Variants in SERPINA1 observed in about 807,000 individuals in gnomAD.
The protein encoded by SERPINA1 is serpin family A member 1, also known as alpha-1-antitrypsin.
In SERPINA1, 21 loss-of-function variants were observed where a neutral mutation model predicts 25.4. The ratio of observed to expected loss-of-function variants is 0.83; its 90% confidence interval spans 0.59 to 1.19. The LOEUF (loss-of-function observed/expected upper bound fraction) is 1.19, where lower values mean the gene tolerates loss of function less well. Ranked by LOEUF, SERPINA1 falls within the 50% of genes most tolerant of loss-of-function variation. The pLI is 0.00. For synonymous variants in SERPINA1, 218 were observed against 211.1 expected (o/e 1.03, Z -0.29); for missense variants, 546 against 509.0 (o/e 1.07, Z -0.70).
At chr14:94,379,227 G>A in intron 4 of SERPINA1, 1 of 617,128 alleles carries the variant, frequency 1.6e-6, no homozygotes, top group Non-Finnish European at 2.9e-6. Context: ...GAAATTCAGG[G>A]TCAGTGACAC....
rs74756023 is a variant in SERPINA1 at position 94,378,991 on chromosome 14, C to T, written c.1066-351G>A. 1.7e-3 allele frequency: 936 copies of T among 543,434 alleles called. 6 individuals carry two copies. Among genetic ancestry groups the T allele is most frequent in the African/African-American group, 0.016 (827 of 53,128 alleles). The allele number at this position is 543,434 out of a possible 1,614,324, so 33.7% of individuals were successfully genotyped here. A position where few individuals can be genotyped will look rare whatever the true frequency, so the allele number is the denominator to read the frequency against. On this transcript the variant is annotated intron_variant, in intron 4 of 4. Transcript: ENST00000393087. ...ACCCTGGCAGTGACCTTCACAGTGC[C>T]CAGACCCCAAGATAATGCAGCCATT...
chr14:94,378,620 C>T lies in SERPINA1; in HGVS notation c.1086G>A (p.Leu362=), dbSNP rs1802961. 6.2e-7 allele frequency: 1 copy of T among 1,613,910 alleles called. No individual in the cohort carries two copies. Among genetic ancestry groups the T allele is most frequent in the Non-Finnish European group, 8.5e-7 (1 of 1,179,990 alleles). ...CTTCAGTCCCTTTCTCGTCGATGGT[C>T]AGCACAGCCTTATGCACGGCCTGGA... ...KLSKAVHKAV[L]TIDEKGTEAA... is the part of the protein sequence containing the mutation. Residue 362 remains leucine, a synonymous_variant, in exon 5 of 5, where the codon CTG becomes CTA. Coordinates refer to ENST00000393087, the MANE Select transcript of SERPINA1 (RefSeq NM_000295.5).
chr14:94,383,878 G>A (rs1224445668), intron 1 of SERPINA1, among the ~76,000 whole-genome samples: 4 of 152,220 alleles, frequency 2.6e-5, no homozygotes, highest in African/African-American at 7.2e-5. Flanking sequence ...AGAGAGCATG[G>A]AGGGGCTGTG....
intron 1 of SERPINA1, among the ~76,000 whole-genome samples, chr14:94,387,714 C>T (rs183676605): frequency 1.6e-3 from 247 of 152,274 alleles, no homozygotes; most frequent in Middle Eastern, 6.8e-3. Flanking sequence ...GGGACTGGAG[C>T]CAGGTGCCTG....
At position 94,381,037 on chromosome 14, in the gene SERPINA1, A is replaced by G. The variant is rs1896870457; in HGVS notation, c.751T>C (p.Phe251Leu). The change falls in exon 3 of 5, where the codon TTT becomes CTT. Residue 251 changes from phenylalanine to leucine, a missense_variant. Phe to Leu is a conservative substitution (Grantham distance 22, BLOSUM62 0). Coordinates refer to ENST00000393087, the MANE Select transcript of SERPINA1 (RefSeq NM_000295.5). ...AGCTTCTTACAGTGCTGGATGTTAA[A>G]CATGCCTAAACGCTTCATCATAGGC... Reference protein sequence around the residue: ...KVPMMKRLGMFNIQHCKKLSS... With the variant: ...KVPMMKRLGMLNIQHCKKLSS... 1 of 1,613,474 alleles carries G rather than the reference A, an allele frequency of 6.2e-7. No homozygotes were observed. Among genetic ancestry groups the G allele is most frequent in the African/African-American group, 1.3e-5 (1 of 74,670 alleles).
intron 2 of SERPINA1, among the ~76,000 whole-genome samples, 180 bp from the exon 3 acceptor site, chr14:94,381,321 G>A (rs902529761): frequency 3.3e-5 from 5 of 152,128 alleles, no homozygotes; most frequent in African/African-American, 9.7e-5. Flanking sequence ...CCAAGCTGCC[G>A]AAAAAGATTG....
rs771199057 is a variant in SERPINA1 at position 94,382,761 on chromosome 14, T to C, written c.477A>G (p.Lys159=). The C allele has an allele frequency of 5.0e-6, 8 of 1,614,136 alleles. No homozygotes were observed. In the Admixed American group the frequency reaches 1.3e-4, roughly 27 times the overall value. ...KLVDKFLEDV[K]KLYHSEAFTV... ...TGAAGGCTTCTGAGTGGTACAACTTTTTAACATCCTCCAAAAACTTATCCA... is the reference window on the plus strand; with the variant it reads ...TGAAGGCTTCTGAGTGGTACAACTTCTTAACATCCTCCAAAAACTTATCCA... The change falls in exon 2 of 5, where the codon AAA becomes AAG. Residue 159 remains lysine, a synonymous_variant. Coordinates refer to ENST00000393087, the MANE Select transcript of SERPINA1 (RefSeq NM_000295.5).
At chr14:94,379,312 G>T in intron 4 of SERPINA1, 152 bp downstream of exon 4, 1 of 1,165,226 alleles carries the variant, frequency 8.6e-7, no homozygotes, top group Non-Finnish European at 1.3e-6. Context: ...ACCACGTCCC[G>T]TGTCAGTGAA....
chr14:94,378,824 T>C (rs972639722), intron 4 of SERPINA1, among the ~76,000 whole-genome samples, 184 bp from the exon 5 acceptor site: 7 of 152,352 alleles, frequency 4.6e-5, no homozygotes, highest in Non-Finnish European at 7.3e-5. Flanking sequence ...CTGGCTCCCC[T>C]CTGTCCATCT....
intron 2 of SERPINA1, among the ~76,000 whole-genome samples, chr14:94,381,995 G>T (rs1367607817): frequency 3.3e-5 from 5 of 152,218 alleles, no homozygotes; most frequent in South Asian, 4.1e-4. Context: ...GGGGCAGGAA[G>T]GCAGCCTGAG....
rs1283907523 is a variant in SERPINA1, at chr14:94,376,942, A to C, written c.*1507T>G. The C allele has an allele frequency of 6.6e-6, 1 of 152,192 alleles. No individual in the cohort carries two copies. The highest frequency in any genetic ancestry group is 1.9e-4 in the East Asian group (1 of 5,204). 9.4% of individuals were successfully genotyped at this position (152,192 alleles called of 1,614,324 possible). A position where few individuals can be genotyped will look rare whatever the true frequency, so the allele number is the denominator to read the frequency against. On this transcript the variant is annotated 3_prime_UTR_variant, in exon 5 of 5. Coordinates refer to ENST00000393087, the MANE Select transcript of SERPINA1 (RefSeq NM_000295.5). ...CTTGGATCCAGGTCTTCAGACTCTC[A>C]GGTCTGGTGTCATCCTAGGGGGCTT...
intron 3 of SERPINA1, among the ~76,000 whole-genome samples, 181 bp from the exon 4 acceptor site, chr14:94,379,792 T>A (rs1896740024): frequency 7.5e-6 from 1 of 132,882 alleles, no homozygotes; most frequent in Admixed American, 8.0e-5. Context: ...CTACATTGAG[T>A]CAAAGAATGT....
chr14:94,380,363 C>T (rs1191892216), intron 3 of SERPINA1, among the ~76,000 whole-genome samples: 4 of 152,236 alleles, frequency 2.6e-5, no homozygotes, highest in African/African-American at 7.2e-5. Flanking sequence ...CTAACAGCAC[C>T]GATAAAGTGA....
At chr14:94,380,679 A>C in intron 3 of SERPINA1, 192 bp downstream of exon 3, 1 of 703,792 alleles carries the variant, frequency 1.4e-6, no homozygotes, top group Non-Finnish European at 2.5e-6. Context: ...TGTCCTCCTC[A>C]TGGAGCATGG....
At chr14:94,382,514 A>G in intron 2 of SERPINA1, 78 bp downstream of exon 2, 1 of 1,572,312 alleles carries the variant, frequency 6.4e-7, no homozygotes, top group Non-Finnish European at 8.8e-7. Context: ...ATTGCCAAGG[A>G]GAGTTCAAGA....
chr14:94,380,743 G>C (rs1467964763), intron 3 of SERPINA1, 128 bp downstream of exon 3: 5 of 1,217,498 alleles, frequency 4.1e-6, no homozygotes, highest in Non-Finnish European at 4.9e-6. Flanking sequence ...AGTTTATACA[G>C]AGTAGCAGTG....
At chr14:94,389,379 T>C (rs1381802186), upstream of SERPINA1, among the ~76,000 whole-genome samples, 2 of 152,144 alleles carry the variant, frequency 1.3e-5, no homozygotes, top group African/African-American at 4.8e-5. Context: ...TTTATGTGGG[T>C]CTGCACAGCC....
chr14:94,380,620 A>T (rs1806476132), intron 3 of SERPINA1: 2 of 564,852 alleles, frequency 3.5e-6, no homozygotes, highest in Admixed American at 3.0e-5. Context: ...TCCACACTGG[A>T]GTGGGAAGTC....
At chr14:94,388,165 A>G (rs1402819127) in intron 1 of SERPINA1, among the ~76,000 whole-genome samples, 2 of 152,106 alleles carry the variant, frequency 1.3e-5, no homozygotes, top group Non-Finnish European at 2.9e-5. Context: ...TATAGGAGAC[A>G]ACAGACAGGA....
Sources: gnomAD v4.1 joint callset for allele counts (sites outside exome capture counted in the v4.1 genomes callset) on GRCh38, gnomAD v4.1.1 for gene constraint, MANE v1.5 for transcripts, NCBI Gene and HGNC (gene_info 2026-07-23, HGNC 2026-07-21) for gene names.